RINL: variants seen among roughly 807,000 people sequenced by gnomAD.
RINL encodes Ras and Rab interactor like.
Under a neutral mutation model 58.1 loss-of-function variants are expected in RINL, and 39 were observed. The ratio of observed to expected loss-of-function variants is 0.67; its 90% CI spans 0.52 to 0.88. RINL has a LOEUF of 0.88. RINL is among the 40% of genes least tolerant of loss of function. RINL has a pLI of 0.00. For synonymous variants in RINL, 286 were observed against 323.1 expected (o/e 0.89, Z 1.23); for missense variants, 711 against 749.2 (o/e 0.95, Z 0.60).
At position 38,876,500 on chromosome 19, in the gene RINL, A is replaced by G. The variant is rs546494658; in HGVS notation, c.51-10T>C. 1.3e-6 allele frequency: 2 copies of G among 1,535,856 alleles called. No homozygotes were observed. The highest frequency in any genetic ancestry group is 4.9e-5 in the East Asian group (2 of 40,896). ...CTGTGGTGGGACCAGCCTGGGATGG[A>G]CAGTGTCCAGGGAGTCAGGGGTCAG... On this transcript the variant is annotated splice_polypyrimidine_tract_variant and intron_variant, in intron 2 of 11. Coordinates refer to ENST00000591812, the MANE Select transcript of RINL (RefSeq NM_001195833.2).
Position 38,876,786 on chromosome 19 carries a change from C to T in RINL, c.-39-5G>A, listed in dbSNP as rs1391986811. 2 of 1,506,354 alleles carry T rather than the reference C, an allele frequency of 1.3e-6. No homozygotes were observed. The highest frequency in any genetic ancestry group is 1.4e-5 in the African/African-American group (1 of 72,558). 93.3% of individuals were successfully genotyped at this position (1,506,354 alleles called of 1,614,324 possible). A position where few individuals can be genotyped will look rare whatever the true frequency, so the allele number is the denominator to read the frequency against. On this transcript the variant is annotated splice_polypyrimidine_tract_variant and splice_region_variant and intron_variant, in intron 1 of 11. Coordinates refer to ENST00000591812, the MANE Select transcript of RINL (RefSeq NM_001195833.2). ...CAGTGAGTCATGACCTGGCCTCTGG[C>T]AGGGAGAAAGGTAAGACTCAAAGCT...
rs1255813259 is a variant in RINL, at chr19:38,868,152, T to C, written c.*952A>G. The C allele has an allele frequency of 1.3e-5, 2 of 152,076 alleles. No homozygotes were observed. The highest frequency in any genetic ancestry group is 2.4e-5 in the African/African-American group (1 of 41,410). The allele number at this position is 152,076 out of a possible 1,614,324, so 9.4% of individuals were successfully genotyped here. On this transcript the variant is annotated 3_prime_UTR_variant, in exon 12 of 12. Transcript: ENST00000591812. ...GTAGAGACGGGTTTCTCCATGTTTG[T>C]CAGGCTGGTCTTGAACTCCCGACCT...
Position 38,869,755 on chromosome 19 carries a change from G to A in RINL, c.1343-51C>T, listed in dbSNP as rs553139625. ...GAGATGGATCCCCATCTCAAGGCGC[G>A]TAGACACCTTCCATCCGATCCCCAG... On this transcript the variant is annotated intron_variant, in intron 9 of 11. Coordinates refer to ENST00000591812, the MANE Select transcript of RINL (RefSeq NM_001195833.2). This position sits in a 1 kb window ranked among gnomAD's most constrained non-coding sequence, Gnocchi z 5.7. The A allele has an allele frequency of 1.6e-5, 26 of 1,609,630 alleles. No homozygotes were observed. In the East Asian group the frequency reaches 4.2e-4, roughly 26 times the overall value.
At position 38,876,343 on chromosome 19, in the gene RINL, C is replaced by G; in HGVS notation, c.198G>C (p.Leu66=). The G allele has an allele frequency of 2.0e-6, 3 of 1,536,058 alleles. No individual in the cohort carries two copies. Among genetic ancestry groups the G allele is most frequent in the South Asian group, 1.2e-5 (1 of 84,056 alleles). ...TGTGAGTACTCACCCCTAGTGGCCA[C>G]AGCCCCACAAGGGCCTCCGCATCCT... ...DTQDAEALVG[L]WPLGSFLVTG... is the part of the protein sequence containing the mutation. Residue 66 remains leucine, a synonymous_variant, in exon 3 of 12, where the codon CTG becomes CTC. Coordinates refer to ENST00000591812, the MANE Select transcript of RINL (RefSeq NM_001195833.2).
In RINL at chr19:38,868,652, T is replaced by C. The variant is rs182312796; in HGVS notation, c.*452A>G. 1,204 of 154,132 alleles carry C rather than the reference T, an allele frequency of 7.8e-3. 14 individuals carry two copies. The highest frequency in any genetic ancestry group is 0.013 in the Non-Finnish European group (906 of 69,320). 9.5% of individuals were successfully genotyped at this position (154,132 alleles called of 1,614,324 possible). A position where few individuals can be genotyped will look rare whatever the true frequency, so the allele number is the denominator to read the frequency against. On this transcript the variant is annotated 3_prime_UTR_variant, in exon 12 of 12. Transcript: ENST00000591812. ...TCTTTCAAAACAAAACAAAACCCCC[T>C]GTTCCTCAAGCAAGATGCCAGACGT...
At chr19:38,872,526 C>T (rs983718992) in intron 4 of RINL, among the ~76,000 whole-genome samples, 3 of 151,930 alleles carry the variant, frequency 2.0e-5, no homozygotes, top group Admixed American at 6.6e-5. Flanking sequence ...ATTTTAAAAA[C>T]GAGTAAACAA....
rs972894940 is a variant in RINL, at chr19:38,873,831, A to T, written c.313+55T>A. The T allele has an allele frequency of 2.9e-5, 33 of 1,137,832 alleles. No homozygotes were observed. In the Admixed American group the frequency reaches 4.4e-4, roughly 15 times the overall value. The allele number at this position is 1,137,832 out of a possible 1,614,324, so 70.5% of individuals were successfully genotyped here. A position where few individuals can be genotyped will look rare whatever the true frequency, so the allele number is the denominator to read the frequency against. ...GTGAGCCACCGCGCCGGTCCAGCTGATAGTTCTTAGTGATCAATTGACTGT... is the reference window on the plus strand; with the variant it reads ...GTGAGCCACCGCGCCGGTCCAGCTGTTAGTTCTTAGTGATCAATTGACTGT... On this transcript the variant is annotated intron_variant, in intron 4 of 11. Coordinates refer to ENST00000591812, the MANE Select transcript of RINL (RefSeq NM_001195833.2).
Position 38,870,319 on chromosome 19 carries a change from C to T in RINL, c.1025-59G>A. 7.7e-7 allele frequency: 1 copy of T among 1,300,254 alleles called. No individual in the cohort carries two copies. 80.5% of individuals were successfully genotyped at this position (1,300,254 alleles called of 1,614,324 possible). A position where few individuals can be genotyped will look rare whatever the true frequency, so the allele number is the denominator to read the frequency against. On this transcript the variant is annotated intron_variant, in intron 8 of 11. Transcript: ENST00000591812. This position sits in a 1 kb window ranked among gnomAD's most constrained non-coding sequence, Gnocchi z 5.8. ...CGCCAAGTTGTCCCACGCCCACCCA[C>T]GCGCTCCAACAACCCACCCTGGCCC...
Position 38,871,644 on chromosome 19 carries a change from C to A in RINL, c.451+3G>T, listed in dbSNP as rs756758823. 6.2e-7 allele frequency: 1 copy of A among 1,613,402 alleles called. No individual in the cohort carries two copies. The highest frequency in any genetic ancestry group is 8.5e-7 in the Non-Finnish European group (1 of 1,179,776). ...GTGCCCTCTTTAGAGAACCGTGCCT[C>A]ACCTGTGTGTTCATCTCTGGGCCCT... On this transcript the variant is annotated splice_donor_region_variant and intron_variant, in intron 6 of 11. Coordinates refer to ENST00000591812, the MANE Select transcript of RINL (RefSeq NM_001195833.2).
rs1050593580 is a variant in RINL, at chr19:38,867,998, G to C, written c.*1106C>G. 2.6e-5 allele frequency: 4 copies of C among 152,166 alleles called. No individual in the cohort carries two copies. The highest frequency in any genetic ancestry group is 4.4e-5 in the Non-Finnish European group (3 of 68,042). 9.4% of individuals were successfully genotyped at this position (152,166 alleles called of 1,614,324 possible). A position where few individuals can be genotyped will look rare whatever the true frequency, so the allele number is the denominator to read the frequency against. The stretch of plus-strand genomic sequence containing the variant: ...TTTCACTCTTGTTGCCCAGGCTGGA[G>C]TGCAATGGCGCAATCTCCGCTCACC... On this transcript the variant is annotated 3_prime_UTR_variant, in exon 12 of 12. Transcript: ENST00000591812.
intron 6 of RINL, 60 bp downstream of exon 6, chr19:38,871,587 T>C: frequency 6.7e-7 from 1 of 1,498,570 alleles, no homozygotes; most frequent in Non-Finnish European, 9.2e-7. Flanking sequence ...CCCCATTCAT[T>C]CCCTTGGAGC....
rs995001590 is a variant in RINL at position 38,869,849 on chromosome 19, C to T, written c.1342+94G>A. 14 of 1,520,020 alleles carry T rather than the reference C, an allele frequency of 9.2e-6. No individual in the cohort carries two copies. The highest frequency in any genetic ancestry group is 6.1e-5 in the Admixed American group (3 of 49,338). The allele number at this position is 1,520,020 out of a possible 1,614,324, so 94.2% of individuals were successfully genotyped here. A position where few individuals can be genotyped will look rare whatever the true frequency, so the allele number is the denominator to read the frequency against. On this transcript the variant is annotated intron_variant, in intron 9 of 11. Coordinates refer to ENST00000591812, the MANE Select transcript of RINL (RefSeq NM_001195833.2). The surrounding 1 kb of genome is among the most constrained non-coding windows in gnomAD (Gnocchi z 5.7). The stretch of plus-strand genomic sequence containing the variant: ...GCGCCTCCTACCAGAATCTTCAGGA[C>T]CGCATAGATTCCTCCCACCAGTGCT...
chr19:38,874,019 A>G, intron 3 of RINL, 31 bp from the exon 4 acceptor site: 1 of 1,351,476 alleles, frequency 7.4e-7, no homozygotes, highest in Non-Finnish European at 1.0e-6. Flanking sequence ...CCAGCGTGAC[A>G]AAGGTGTGCG....
In RINL at chr19:38,869,792, C is replaced by T; in HGVS notation, c.1343-88G>A. The T allele has an allele frequency of 2.5e-6, 4 of 1,575,380 alleles. No individual in the cohort carries two copies. Among genetic ancestry groups the T allele is most frequent in the Non-Finnish European group, 3.5e-6 (4 of 1,156,880 alleles). ...CATCCGATCCCCAGGACCACGAGGGCTGGCTGCCCCTCCACCTTGTCGGGC... is the reference window on the plus strand; with the variant it reads ...CATCCGATCCCCAGGACCACGAGGGTTGGCTGCCCCTCCACCTTGTCGGGC... On this transcript the variant is annotated intron_variant, in intron 9 of 11. Transcript: ENST00000591812. The surrounding 1 kb of genome is among the most constrained non-coding windows in gnomAD (Gnocchi z 5.7).
chr19:38,871,254 TC>T (rs764492136), intron 6 of RINL, 27 bp from the exon 7 acceptor site: 9 of 1,613,260 alleles, frequency 5.6e-6, no homozygotes, highest in Non-Finnish European at 7.6e-6. Context: ...TGAGAAGGTG[TC>T]CTAGGTATCC....
chr19:38,872,162 G>T (rs965992945), intron 4 of RINL, among the ~76,000 whole-genome samples: 1 of 152,112 alleles, frequency 6.6e-6, no homozygotes, highest in Non-Finnish European at 1.5e-5. Flanking sequence ...ACCTTTTAGC[G>T]GGGGGCGGAG....
At chr19:38,872,023 T>C (rs1364013016) in intron 4 of RINL, among the ~76,000 whole-genome samples, 153 bp from the exon 5 acceptor site, 2 of 152,234 alleles carry the variant, frequency 1.3e-5, no homozygotes, top group Admixed American at 6.5e-5. Context: ...ATCTTTACTC[T>C]TGTGTACCAC....
intron 4 of RINL, among the ~76,000 whole-genome samples, chr19:38,872,725 T>C (rs1490903617): frequency 6.6e-6 from 1 of 151,432 alleles, no homozygotes; most frequent in African/African-American, 2.4e-5. Flanking sequence ...ATACAAAAAA[T>C]TGGGAGGTGG....
At position 38,876,500 on chromosome 19, in the gene RINL, A is replaced by T; in HGVS notation, c.51-10T>A. Reference sequence around the variant, plus strand: ...CTGTGGTGGGACCAGCCTGGGATGGACAGTGTCCAGGGAGTCAGGGGTCAG... The same window carrying T: ...CTGTGGTGGGACCAGCCTGGGATGGTCAGTGTCCAGGGAGTCAGGGGTCAG... On this transcript the variant is annotated splice_polypyrimidine_tract_variant and intron_variant, in intron 2 of 11. Coordinates refer to ENST00000591812, the MANE Select transcript of RINL (RefSeq NM_001195833.2). 1 of 1,535,856 alleles carries T rather than the reference A, an allele frequency of 6.5e-7. No homozygotes were observed. The highest frequency in any genetic ancestry group is 8.7e-7 in the Non-Finnish European group (1 of 1,146,706).
Sources: gnomAD v4.1 joint callset for allele counts (sites outside exome capture counted in the v4.1 genomes callset) on GRCh38, gnomAD v4.1.1 for gene constraint, Gnocchi (gnomAD v3.1) non-coding constraint, MANE v1.5 for transcripts, NCBI Gene and HGNC (gene_info 2026-07-23, HGNC 2026-07-21) for gene names.